CTNNA3: variants seen among roughly 807,000 people sequenced by gnomAD.
CTNNA3 encodes catenin alpha-3.
CTNNA3 carries 76 observed loss-of-function variants against 95.7 expected under a neutral mutation model. The ratio of observed to expected loss-of-function variants is 0.79; its 90% CI spans 0.66 to 0.96. The LOEUF is 0.96. Ranked by LOEUF, CTNNA3 falls within the 40% of genes least tolerant of loss-of-function variation. The probability of loss-of-function intolerance (pLI) is 0.00; values close to 1 mark genes in which losing one functional copy is unlikely to be tolerated. For synonymous variants in CTNNA3, 431 were observed against 374.4 expected, an observed-to-expected ratio of 1.15 and a Z score of -1.74; for missense variants, 1,191 against 1,089.8, an observed-to-expected ratio of 1.09 and a Z score of -1.31.
intron 9 of CTNNA3, among the ~76,000 whole-genome samples, chr10:66,725,661 C>T (rs924725670): frequency 1.3e-5 from 2 of 151,984 alleles, no homozygotes; most frequent in African/African-American, 4.8e-5. Flanking sequence ...AGTTGTTCAC[C>T]ATGGCAGATA....
chr10:67,497,934 T>A (rs1839086607), intron 5 of CTNNA3, among the ~76,000 whole-genome samples: 2 of 152,288 alleles, frequency 1.3e-5, no homozygotes, highest in South Asian at 4.1e-4. Context: ...GCTCTTTAGT[T>A]CAAATTAGAT....
Position 66,927,854 on chromosome 10 carries a change from T to C in CTNNA3, c.1048-152330A>G. ...AATGACATCAGTCTTGCTGGGAATATATGGGAATGCAGCAGAAATATTTGC... is the reference window on the plus strand; with the variant it reads ...AATGACATCAGTCTTGCTGGGAATACATGGGAATGCAGCAGAAATATTTGC... On this transcript the variant is annotated intron_variant, in intron 7 of 17. Transcript: ENST00000433211. The surrounding 1 kb of genome is among the most constrained non-coding windows in gnomAD (Gnocchi z 4.7). 2 of 1,614,222 alleles carry C rather than the reference T, an allele frequency of 1.2e-6. No homozygotes were observed. Among genetic ancestry groups the C allele is most frequent in the Non-Finnish European group, 1.7e-6 (2 of 1,180,034 alleles).
intron 7 of CTNNA3, among the ~76,000 whole-genome samples, chr10:66,964,084 T>A (rs147421953): frequency 0.023 from 3,513 of 152,018 alleles, 129 homozygotes; most frequent in African/African-American, 0.08. Context: ...TCTTCTGACC[T>A]CGTGATCTGC....
chr10:67,620,340 C>T (rs1221695722), intron 2 of CTNNA3, among the ~76,000 whole-genome samples: 2 of 152,288 alleles, frequency 1.3e-5, no homozygotes, highest in African/African-American at 4.8e-5. Flanking sequence ...ACCAGCCACT[C>T]GGCAGGCACT....
Position 66,862,757 on chromosome 10 carries a change from GTTTGA to G in CTNNA3, c.1048-87238_1048-87234del, listed in dbSNP as rs200156816. 4.1e-4 allele frequency among the ~76,000 whole-genome samples: 62 copies of G among 152,270 alleles called. No homozygotes were observed. In the East Asian group the frequency reaches 0.012, roughly 29 times the overall value. The stretch of plus-strand genomic sequence containing the variant: ...GTGACTAGAACAATGGTTCCCAGCT[GTTTGA>G]TCAAATATCATTCTGAGCATTTCTG... On this transcript the variant is annotated intron_variant, in intron 7 of 17. Coordinates refer to ENST00000433211, the MANE Select transcript of CTNNA3 (RefSeq NM_013266.4).
At chr10:66,968,577 G>T (rs1849558808) in intron 7 of CTNNA3, among the ~76,000 whole-genome samples, 1 of 151,938 alleles carries the variant, frequency 6.6e-6, no homozygotes, top group Admixed American at 6.6e-5. Context: ...CAAAAAGGTT[G>T]TCTCCTCAGT....
chr10:67,460,426 T>C lies in CTNNA3; in HGVS notation c.579+61416A>G, dbSNP rs367899189. Among the ~76,000 whole-genome samples, 21 of 152,300 alleles carry C rather than the reference T, an allele frequency of 1.4e-4. No homozygotes were observed. The South Asian group carries it at 2.3e-3, about 17-fold the overall frequency. ...TTGGTTTAAGAGAATTTTTTAAAAATTAAATAAATTTGCCCAAGTGATTTT... is the reference window on the plus strand; with the variant it reads ...TTGGTTTAAGAGAATTTTTTAAAAACTAAATAAATTTGCCCAAGTGATTTT... On this transcript the variant is annotated intron_variant, in intron 5 of 17. Transcript: ENST00000433211.
At chr10:66,856,580 AC>A (rs1471115561) in intron 7 of CTNNA3, among the ~76,000 whole-genome samples, 18 of 151,806 alleles carry the variant, frequency 1.2e-4, no homozygotes, top group Admixed American at 1.1e-3. Context: ...TTATTTTTTT[AC>A]TTTTTAAATA....
At chr10:67,072,887 T>TGCCTTTTAGAAGCTTTTAGCCTA (rs6143966) in intron 7 of CTNNA3, among the ~76,000 whole-genome samples, 95,633 of 151,900 alleles carry the variant, frequency 0.63, 31,294 homozygotes, top group African/African-American at 0.82. Flanking sequence ...TTGGAAGCTC[T>TGCCTTTTAGAAGCTTTTAGCCTA]GCCTTTGGCT....
At chr10:66,429,023 G>A (rs2093270911) in intron 11 of CTNNA3, among the ~76,000 whole-genome samples, 1 of 151,742 alleles carries the variant, frequency 6.6e-6, no homozygotes, top group Non-Finnish European at 1.5e-5. Context: ...TAATAAAGAA[G>A]AAAAGAGAGA....
At chr10:66,875,838 C>T (rs1356599953) in intron 7 of CTNNA3, among the ~76,000 whole-genome samples, 1 of 152,112 alleles carries the variant, frequency 6.6e-6, no homozygotes, top group Admixed American at 6.6e-5. Flanking sequence ...ATAGCTAAGA[C>T]ACCCTATGGA....
intron 10 of CTNNA3, among the ~76,000 whole-genome samples, chr10:66,568,470 A>T (rs551414812): frequency 6.6e-6 from 1 of 152,246 alleles, no homozygotes; most frequent in African/African-American, 2.4e-5. Context: ...CAATACCCCT[A>T]GGGTGTCTTT....
intron 16 of CTNNA3, among the ~76,000 whole-genome samples, chr10:65,978,704 C>T (rs534914401): frequency 6.6e-6 from 1 of 152,236 alleles, no homozygotes; most frequent in South Asian, 2.1e-4. Context: ...GCCTACTCAC[C>T]TATTCAACTA....
chr10:66,183,030 C>A (rs952955667), intron 13 of CTNNA3, among the ~76,000 whole-genome samples: 2 of 152,168 alleles, frequency 1.3e-5, no homozygotes, highest in Non-Finnish European at 2.9e-5. Flanking sequence ...CACACATTTC[C>A]TCGGAGAGGA....
At position 67,031,863 on chromosome 10, in the gene CTNNA3, T is replaced by C. The variant is rs1018112339; in HGVS notation, c.1047+148454A>G. 3.3e-5 allele frequency among the ~76,000 whole-genome samples: 5 copies of C among 152,210 alleles called. No homozygotes were observed. The East Asian group carries it at 5.8e-4, about 18-fold the overall frequency. On this transcript the variant is annotated intron_variant, in intron 7 of 17. Coordinates refer to ENST00000433211, the MANE Select transcript of CTNNA3 (RefSeq NM_013266.4). Reference sequence around the variant, plus strand: ...AGAGGTCATTTTGAGCAGCCTCTTTTATTGGGCCACAAAACATGCTTATCC... The same window carrying C: ...AGAGGTCATTTTGAGCAGCCTCTTTCATTGGGCCACAAAACATGCTTATCC...
intron 7 of CTNNA3, among the ~76,000 whole-genome samples, chr10:66,985,501 T>C (rs904615053): frequency 1.3e-5 from 2 of 152,064 alleles, no homozygotes; most frequent in Non-Finnish European, 2.9e-5. Flanking sequence ...GCCCTCCTCC[T>C]CCCCTAGTTC....
chr10:66,852,326 A>G (rs1257783293), intron 7 of CTNNA3, among the ~76,000 whole-genome samples: 1 of 152,142 alleles, frequency 6.6e-6, no homozygotes, highest in Non-Finnish European at 1.5e-5. Context: ...CATATTTCTC[A>G]ATATGGTACA....
intron 5 of CTNNA3, among the ~76,000 whole-genome samples, chr10:67,413,460 C>T (rs1229067487): frequency 1.3e-5 from 2 of 152,058 alleles, no homozygotes; most frequent in African/African-American, 4.8e-5. Flanking sequence ...TTCTTCTTGG[C>T]CTAGGAAAAC....
chr10:66,536,274 G>C (rs1841653273), intron 10 of CTNNA3, among the ~76,000 whole-genome samples: 1 of 151,958 alleles, frequency 6.6e-6, no homozygotes, highest in Non-Finnish European at 1.5e-5. Context: ...CTCAGGTCAA[G>C]AGTTCGAGAC....
Sources: allele counts gnomAD v4.1 joint callset (sites outside exome capture counted in the v4.1 genomes callset), GRCh38; gene constraint gnomAD v4.1.1; non-coding constraint Gnocchi (gnomAD v3.1); transcripts MANE v1.5; gene names NCBI Gene and HGNC (gene_info 2026-07-23, HGNC 2026-07-21).